The following CLSTN2 variants were observed in gnomAD, a reference collection of about 807,000 sequenced individuals.
The protein encoded by CLSTN2 is calsyntenin-2.
A neutral mutation model predicts 101.2 loss-of-function variants in CLSTN2; 48 were observed. That is an observed-to-expected ratio of 0.47 (90% CI 0.38 to 0.60). The LOEUF (loss-of-function observed/expected upper bound fraction) is 0.60, where lower values mean the gene tolerates loss of function less well. CLSTN2 is among the 20% of genes least tolerant of loss of function. The pLI, the probability that CLSTN2 is intolerant of heterozygous loss-of-function variation, is 0.00. For missense variants in CLSTN2, 1,160 were observed against 1,238.2 expected (o/e 0.94, Z 0.95); for synonymous variants, 481 against 463.6 (o/e 1.04, Z -0.48).
chr3:140,422,479 C>T, intron 5 of CLSTN2, among the ~76,000 whole-genome samples: 1 of 152,310 alleles, frequency 6.6e-6, no homozygotes, highest in South Asian at 2.1e-4. Context: ...TCCTCCCTTG[C>T]ACAACTTGAT....
At chr3:140,503,647 A>G (rs1203706742) in intron 8 of CLSTN2, among the ~76,000 whole-genome samples, 1 of 152,240 alleles carries the variant, frequency 6.6e-6, no homozygotes, top group East Asian at 1.9e-4. Context: ...GGGGGCCATT[A>G]TCCTGACAAC....
intron 2 of CLSTN2, among the ~76,000 whole-genome samples, chr3:140,300,523 G>A (rs1463077503): frequency 3.9e-5 from 6 of 152,164 alleles, no homozygotes; most frequent in Non-Finnish European, 7.3e-5. Flanking sequence ...TATATTACTA[G>A]ATAGTTGGTG....
chr3:140,358,416 A>C (rs1359229897), intron 2 of CLSTN2, among the ~76,000 whole-genome samples: 1 of 152,180 alleles, frequency 6.6e-6, no homozygotes, highest in Non-Finnish European at 1.5e-5. Context: ...CATCCATAAA[A>C]TGCCTGAAAG....
At chr3:140,508,015 T>C (rs1934718252) in intron 8 of CLSTN2, 1 of 152,158 alleles carries the variant, frequency 6.6e-6, no homozygotes, top group South Asian at 2.1e-4. Context: ...TACCTTTCAG[T>C]GGAAATCCAA....
At chr3:140,234,773 C>T (rs566296699) in intron 2 of CLSTN2, among the ~76,000 whole-genome samples, 47 of 152,322 alleles carry the variant, frequency 3.1e-4, no homozygotes, top group African/African-American at 1.1e-3. Context: ...CTTCTGTCCC[C>T]ATTGACAGGT....
intron 2 of CLSTN2, among the ~76,000 whole-genome samples, chr3:140,246,025 G>T (rs1239847939): frequency 6.6e-6 from 1 of 152,180 alleles, no homozygotes; most frequent in Non-Finnish European, 1.5e-5. Context: ...AATAAACTGT[G>T]AATCTGCGAC....
intron 5 of CLSTN2, among the ~76,000 whole-genome samples, chr3:140,446,754 T>G (rs768745373): frequency 1.1e-4 from 17 of 152,262 alleles, no homozygotes; most frequent in South Asian, 2.1e-4. Context: ...TCCCTGAGGC[T>G]TCCCCCAATG....
chr3:140,541,203 C>T (rs349552), intron 9 of CLSTN2, among the ~76,000 whole-genome samples: 12,015 of 152,316 alleles, frequency 0.079, 488 homozygotes, highest in African/African-American at 0.1. Flanking sequence ...GCTTCACTCA[C>T]TTCTGGTTAT....
intron 1 of CLSTN2, among the ~76,000 whole-genome samples, chr3:139,972,018 C>T (rs1489611630): frequency 2.6e-5 from 4 of 152,118 alleles, no homozygotes. Context: ...AATCCCAGTA[C>T]TTTGGGAGGC....
intron 2 of CLSTN2, among the ~76,000 whole-genome samples, chr3:140,379,880 C>A (rs1214084999): frequency 6.6e-6 from 1 of 152,088 alleles, no homozygotes; most frequent in Non-Finnish European, 1.5e-5. Context: ...TGAAAGAAGA[C>A]TGTGGAAGTA....
At chr3:140,350,226 T>A (rs531200527) in intron 2 of CLSTN2, among the ~76,000 whole-genome samples, 3 of 152,218 alleles carry the variant, frequency 2.0e-5, no homozygotes, top group African/African-American at 7.2e-5. Context: ...AATCTTTCTT[T>A]AATGGTGCCA....
chr3:140,171,715 T>TATTATATATTATA (rs2010224913), intron 1 of CLSTN2, among the ~76,000 whole-genome samples: 1 of 113,504 alleles, frequency 8.8e-6, no homozygotes, highest in Admixed American at 1.2e-4. Context: ...ATGTATTATG[T>TATTATATATTATA]ATTATATATT....
At chr3:140,063,447 C>T (rs992112010) in intron 1 of CLSTN2, among the ~76,000 whole-genome samples, 3 of 152,020 alleles carry the variant, frequency 2.0e-5, no homozygotes, top group African/African-American at 4.8e-5. Context: ...TTCTTCACTC[C>T]GCGTCCATGC....
At chr3:140,153,491 G>C (rs868551137) in intron 1 of CLSTN2, among the ~76,000 whole-genome samples, 19 of 152,248 alleles carry the variant, frequency 1.2e-4, no homozygotes, top group Non-Finnish European at 1.9e-4. Context: ...CCACCAGCTA[G>C]GGCAGCCAGT....
At chr3:140,229,769 C>G (rs1298413478) in intron 2 of CLSTN2, among the ~76,000 whole-genome samples, 2 of 151,998 alleles carry the variant, frequency 1.3e-5, no homozygotes, top group South Asian at 4.1e-4. Context: ...TTTTTCCTGT[C>G]AAGATCTTCT....
intron 8 of CLSTN2, among the ~76,000 whole-genome samples, chr3:140,516,854 T>C (rs937735980): frequency 4.6e-5 from 7 of 152,224 alleles, no homozygotes; most frequent in Non-Finnish European, 1.0e-4. Flanking sequence ...TTCTTTGAGC[T>C]TTTTGTATTT....
chr3:140,418,085 AAG>A (rs2088450842), intron 4 of CLSTN2, among the ~76,000 whole-genome samples: 1 of 152,228 alleles, frequency 6.6e-6, no homozygotes, highest in African/African-American at 2.4e-5. Flanking sequence ...TTCCTTTTGT[AAG>A]AGGAGTATCT....
chr3:140,207,241 A>T (rs2010795393), intron 2 of CLSTN2, among the ~76,000 whole-genome samples: 1 of 152,214 alleles, frequency 6.6e-6, no homozygotes. Flanking sequence ...GAATGTTTGT[A>T]TGCTACAGTG....
At chr3:140,509,597 G>C (rs1219160077) in intron 8 of CLSTN2, among the ~76,000 whole-genome samples, 1 of 152,172 alleles carries the variant, frequency 6.6e-6, no homozygotes, top group East Asian at 1.9e-4. Context: ...ACCTCAGTGG[G>C]GAAAGGAAGT....
Sources: gnomAD v4.1 joint callset for allele counts (sites outside exome capture counted in the v4.1 genomes callset) on GRCh38, gnomAD v4.1.1 for gene constraint, MANE v1.5 for transcripts, NCBI Gene and HGNC (gene_info 2026-07-23, HGNC 2026-07-21) for gene names.